SLC9A9: variants seen among roughly 807,000 people sequenced by gnomAD.
The protein encoded by SLC9A9 is solute carrier family 9 member A9, also known as sodium/hydrogen exchanger 9.
In SLC9A9, 62 loss-of-function variants were observed where a neutral mutation model predicts 77.8. The ratio of observed to expected loss-of-function variants is 0.80; its 90% confidence interval spans 0.65 to 0.98. The LOEUF is 0.98. Among genes scored for constraint, SLC9A9 ranks in the 50% least tolerant of loss-of-function variants. The pLI is 0.00. For missense variants in SLC9A9, 775 were observed against 774.9 expected, an observed-to-expected ratio of 1.00 and a Z score of 0.00; for synonymous variants, 320 against 283.5, an observed-to-expected ratio of 1.13 and a Z score of -1.29.
intron 12 of SLC9A9, among the ~76,000 whole-genome samples, chr3:143,408,589 C>T (rs1022017742): frequency 6.6e-6 from 1 of 152,210 alleles, no homozygotes; most frequent in Non-Finnish European, 1.5e-5. Flanking sequence ...CTTTCAGATA[C>T]CTGAACCTTT....
chr3:143,562,388 T>C (rs2037102212), intron 8 of SLC9A9, among the ~76,000 whole-genome samples: 1 of 152,074 alleles, frequency 6.6e-6, no homozygotes, highest in South Asian at 2.1e-4. Context: ...GGGACTTCAG[T>C]AAGAGCAAAG....
intron 12 of SLC9A9, among the ~76,000 whole-genome samples, chr3:143,395,571 T>C (rs968550377): frequency 1.3e-5 from 2 of 152,118 alleles, no homozygotes; most frequent in African/African-American, 2.4e-5. Context: ...CCAAAAGCAA[T>C]GGCAACAAAA....
intron 5 of SLC9A9, among the ~76,000 whole-genome samples, chr3:143,677,165 G>C (rs1191098084): frequency 6.6e-6 from 1 of 152,122 alleles, no homozygotes; most frequent in African/African-American, 2.4e-5. Flanking sequence ...TTTAAGGGGA[G>C]ACTGGAAGAA....
chr3:143,835,847 C>G (rs796311719), intron 1 of SLC9A9, among the ~76,000 whole-genome samples: 16 of 152,340 alleles, frequency 1.1e-4, no homozygotes, highest in African/African-American at 3.8e-4. Context: ...CCCACCCAGT[C>G]CATGTGCAAA....
chr3:143,437,354 T>C (rs565024925), intron 12 of SLC9A9, among the ~76,000 whole-genome samples: 1 of 152,360 alleles, frequency 6.6e-6, no homozygotes, highest in East Asian at 1.9e-4. Flanking sequence ...TGAAGGTTGC[T>C]TCCAGAACTG....
intron 8 of SLC9A9, among the ~76,000 whole-genome samples, chr3:143,567,607 G>C (rs1031487254): frequency 3.9e-5 from 6 of 152,146 alleles, no homozygotes; most frequent in Non-Finnish European, 5.9e-5. Flanking sequence ...CCAAGTTCTT[G>C]TATGTGACTA....
Position 143,848,253 on chromosome 3 carries a change from G to T in SLC9A9, c.70C>A (p.Leu24Met). 6.2e-7 allele frequency: 1 copy of T among 1,613,984 alleles called. No homozygotes were observed. Among genetic ancestry groups the T allele is most frequent in the South Asian group, 1.1e-5 (1 of 91,062 alleles). The change falls in exon 1 of 16, where the codon CTG (leucine) becomes ATG (methionine). Residue 24 changes from leucine (L) to methionine (M), a missense_variant. By Grantham distance (15) the Leu-to-Met change is conservative. Coordinates refer to ENST00000316549, the MANE Select transcript of SLC9A9 (RefSeq NM_173653.4). The part of the protein sequence containing the change: ...YQFQHQGAVE[L>M]LVFNFLLILT... Reference sequence around the variant, plus strand: ...ATGAGCAAAAAATTGAAGACAAGCAGCTCCACCGCTCCCTGATGTTGAAAC... The same window carrying T: ...ATGAGCAAAAAATTGAAGACAAGCATCTCCACCGCTCCCTGATGTTGAAAC...
intron 11 of SLC9A9, among the ~76,000 whole-genome samples, chr3:143,479,092 G>A (rs560289985): frequency 2.6e-5 from 4 of 152,230 alleles, no homozygotes; most frequent in South Asian, 2.1e-4. Flanking sequence ...ACCTCAATAC[G>A]TAGGACGGTC....
chr3:143,535,717 C>A (rs2036579538), intron 9 of SLC9A9, among the ~76,000 whole-genome samples: 1 of 151,980 alleles, frequency 6.6e-6, no homozygotes, highest in Admixed American at 6.6e-5. Context: ...ATTCGTAACC[C>A]AAATATATAT....
chr3:143,272,359 C>G (rs897331509), intron 14 of SLC9A9, among the ~76,000 whole-genome samples: 1 of 152,154 alleles, frequency 6.6e-6, no homozygotes, highest in Non-Finnish European at 1.5e-5. Flanking sequence ...CACCTGGATA[C>G]AGTGTGGCAC....
chr3:143,437,854 T>G (rs1245766281), intron 12 of SLC9A9, among the ~76,000 whole-genome samples: 2 of 152,198 alleles, frequency 1.3e-5, no homozygotes, highest in East Asian at 1.9e-4. Flanking sequence ...CTTAACAGCA[T>G]GAATGGTATA....
intron 6 of SLC9A9, among the ~76,000 whole-genome samples, chr3:143,623,994 C>A (rs1179099681): frequency 1.3e-5 from 2 of 152,188 alleles, no homozygotes; most frequent in Non-Finnish European, 2.9e-5. Context: ...CACCTCTATG[C>A]AAATAAACTA....
chr3:143,575,694 T>C (rs2037345887), intron 7 of SLC9A9, among the ~76,000 whole-genome samples: 1 of 152,166 alleles, frequency 6.6e-6, no homozygotes, highest in Non-Finnish European at 1.5e-5. Context: ...CTAGTTTGTT[T>C]TAAAGAGAAT....
intron 9 of SLC9A9, among the ~76,000 whole-genome samples, chr3:143,513,001 A>T (rs1425836730): frequency 1.3e-5 from 2 of 152,236 alleles, no homozygotes; most frequent in African/African-American, 2.4e-5. Flanking sequence ...TTCCTAGTGG[A>T]GGGTCTTAAC....
rs866133189 is a variant in SLC9A9, at chr3:143,448,967, A to C, written c.1469+18070T>G. On this transcript the variant is annotated intron_variant, in intron 12 of 15. Transcript: ENST00000316549. ...ATATAATATATAATATAATTATATA[A>C]ATATAATTATATAAAAATAATTATA... Among the ~76,000 whole-genome samples, 2 of 15,936 alleles carry C rather than the reference A, an allele frequency of 1.3e-4. 1 individual carries two copies. Among genetic ancestry groups the C allele is most frequent in the Non-Finnish European group, 1.7e-4 (2 of 11,486 alleles). The allele number at this position is 15,936 out of a possible 152,430, so 10.5% of individuals were successfully genotyped here.
At chr3:143,597,919 T>G (rs981473138) in intron 6 of SLC9A9, among the ~76,000 whole-genome samples, 4 of 151,820 alleles carry the variant, frequency 2.6e-5, no homozygotes, top group Non-Finnish European at 5.9e-5. Flanking sequence ...CTGTGTAGAG[T>G]GGCATATTCG....
At chr3:143,579,088 A>G (rs1383130191) in intron 6 of SLC9A9, among the ~76,000 whole-genome samples, 1 of 152,190 alleles carries the variant, frequency 6.6e-6, no homozygotes, top group Admixed American at 6.5e-5. Flanking sequence ...CAGTGCTGTT[A>G]TATATTCACA....
At chr3:143,712,631 C>T (rs1191055770) in intron 4 of SLC9A9, among the ~76,000 whole-genome samples, 1 of 142,352 alleles carries the variant, frequency 7.0e-6, no homozygotes, top group Non-Finnish European at 1.5e-5. Flanking sequence ...AGTATTGTTA[C>T]CAGATAATCA....
At chr3:143,391,570 C>T (rs2033567088) in intron 12 of SLC9A9, among the ~76,000 whole-genome samples, 1 of 152,218 alleles carries the variant, frequency 6.6e-6, no homozygotes, top group African/African-American at 2.4e-5. Flanking sequence ...GAACACAGCT[C>T]CTTGCCAGCA....
Sources: gnomAD v4.1 joint callset for allele counts (sites outside exome capture counted in the v4.1 genomes callset) on GRCh38, gnomAD v4.1.1 for gene constraint, MANE v1.5 for transcripts, NCBI Gene and HGNC (gene_info 2026-07-23, HGNC 2026-07-21) for gene names.